Variants in PRPSAP1 observed in about 807,000 individuals in gnomAD.
PRPSAP1 encodes phosphoribosyl pyrophosphate synthetase associated protein 1, also known as phosphoribosyl pyrophosphate synthase-associated protein 1.
PRPSAP1 carries 31 observed loss-of-function variants against 39.4 expected under a neutral mutation model. That is an observed-to-expected ratio of 0.79 (90% CI 0.59 to 1.06). The LOEUF (loss-of-function observed/expected upper bound fraction) is 1.06. Among genes scored for constraint, PRPSAP1 ranks in the 50% least tolerant of loss-of-function variants. The pLI is 0.00. For synonymous variants in PRPSAP1, 212 were observed against 192.6 expected (o/e 1.10, Z -0.83); for missense variants, 430 against 511.6 (o/e 0.84, Z 1.54).
chr17:76,325,341 G>A (rs568433048), intron 7 of PRPSAP1, among the ~76,000 whole-genome samples: 41 of 142,422 alleles, frequency 2.9e-4, no homozygotes, highest in African/African-American at 8.8e-4. Flanking sequence ...CCCGGGAGGC[G>A]GAGCTTGCAG....
In PRPSAP1 at chr17:76,324,321, G is replaced by A. The variant is rs906818987; in HGVS notation, c.781+4396C>T. 3.3e-5 allele frequency among the ~76,000 whole-genome samples: 5 copies of A among 151,880 alleles called. No homozygotes were observed. In the East Asian group the frequency reaches 7.7e-4, roughly 23 times the overall value. ...GACATTTTAAAAAATGCTGTCAGCC[G>A]GGCGCAGTGGCTCACGCCTGTAATC... On this transcript the variant is annotated intron_variant, in intron 7 of 9. Coordinates refer to ENST00000446526, the MANE Select transcript of PRPSAP1 (RefSeq NM_002766.3).
At position 76,339,180 on chromosome 17, in the gene PRPSAP1, G is replaced by A. The variant is rs1306549149; in HGVS notation, c.290+5491C>T. On this transcript the variant is annotated intron_variant, in intron 3 of 9. Transcript: ENST00000446526. ...AGCACTTTGGGAGGCCAAGGCGGGTGGATCACCTGAGGTCAGGAGTTTGAG... is the reference window on the plus strand; with the variant it reads ...AGCACTTTGGGAGGCCAAGGCGGGTAGATCACCTGAGGTCAGGAGTTTGAG... Among the ~76,000 whole-genome samples, 877 of 150,770 alleles carry A rather than the reference G, an allele frequency of 5.8e-3. 16 individuals are homozygous for A. The highest frequency in any genetic ancestry group is 0.021 in the African/African-American group (840 of 40,120).
chr17:76,353,676 G>C lies in PRPSAP1; in HGVS notation c.28C>G (p.Pro10Ala). 1.3e-6 allele frequency: 2 copies of C among 1,516,766 alleles called. No homozygotes were observed. The highest frequency in any genetic ancestry group is 1.8e-6 in the Non-Finnish European group (2 of 1,137,434). The allele number at this position is 1,516,766 out of a possible 1,614,324, so 94.0% of individuals were successfully genotyped here. The change falls in exon 1 of 10, where the codon CCG becomes GCG. Residue 10 changes from proline to alanine, a missense_variant. Around this residue, in one of 2 missense-constraint regions of PRPSAP1, gnomAD observed 152 missense variants for 135.2 expected, o/e 1.12. Transcript: ENST00000446526. MPKKLLLLPPPSASSAFRVP... is the reference protein window; with the variant it reads MPKKLLLLPAPSASSAFRVP... ...CGGAAAGCCGAGGACGCGGAGGGCG[G>C]GGGCAACAGCAGCAGCTTCTTGGGC...
At chr17:76,335,650 C>T (rs1449635032) in intron 3 of PRPSAP1, among the ~76,000 whole-genome samples, 1 of 152,132 alleles carries the variant, frequency 6.6e-6, no homozygotes, top group Non-Finnish European at 1.5e-5. Flanking sequence ...AGCCACCACA[C>T]CCAGGCTCAA....
chr17:76,346,832 G>A (rs1354509150), intron 2 of PRPSAP1, among the ~76,000 whole-genome samples: 1 of 151,838 alleles, frequency 6.6e-6, no homozygotes, highest in East Asian at 1.9e-4. Flanking sequence ...GGAGGCAGAG[G>A]CTGCAGTAAG....
intron 7 of PRPSAP1, among the ~76,000 whole-genome samples, chr17:76,322,162 T>C (rs1171881258): frequency 6.6e-6 from 1 of 152,170 alleles, no homozygotes; most frequent in African/African-American, 2.4e-5. Flanking sequence ...TTTGGGAGGC[T>C]GAGGCAGTTA....
intron 7 of PRPSAP1, among the ~76,000 whole-genome samples, chr17:76,320,345 A>AGGAAGGG (rs2071180879): frequency 1.3e-5 from 1 of 79,564 alleles, no homozygotes; most frequent in Non-Finnish European, 2.3e-5. Flanking sequence ...GGGAGGGAGG[A>AGGAAGGG]AGGAAGGAAG....
At chr17:76,331,175 G>C (rs1365209500) in intron 4 of PRPSAP1, among the ~76,000 whole-genome samples, 1 of 152,088 alleles carries the variant, frequency 6.6e-6, no homozygotes, top group Non-Finnish European at 1.5e-5. Flanking sequence ...TATTCTTATA[G>C]AAAAACAATG....
In PRPSAP1 at chr17:76,348,400, G is replaced by A. The variant is rs965356436; in HGVS notation, c.223+129C>T. On this transcript the variant is annotated intron_variant, in intron 2 of 9. Coordinates refer to ENST00000446526, the MANE Select transcript of PRPSAP1 (RefSeq NM_002766.3). ...AGGCAGGAGAATTGCTTGAACCTGGGAGGCAGAGGTTGCAGTGAGCCAAGA... is the reference window on the plus strand; with the variant it reads ...AGGCAGGAGAATTGCTTGAACCTGGAAGGCAGAGGTTGCAGTGAGCCAAGA... 4.0e-5 allele frequency: 15 copies of A among 376,310 alleles called. No homozygotes were observed. In the South Asian group the frequency reaches 7.7e-4, roughly 19 times the overall value. The allele number at this position is 376,310 out of a possible 1,614,324, so 23.3% of individuals were successfully genotyped here. A position where few individuals can be genotyped will look rare whatever the true frequency, so the allele number is the denominator to read the frequency against.
intron 3 of PRPSAP1, among the ~76,000 whole-genome samples, chr17:76,340,153 A>C (rs2143525416): frequency 6.7e-6 from 1 of 150,374 alleles, no homozygotes; most frequent in South Asian, 2.1e-4. Context: ...CTCAAAAAAA[A>C]AAAAAAAAAA....
chr17:76,321,416 G>A (rs1340178978), intron 7 of PRPSAP1, among the ~76,000 whole-genome samples: 1 of 152,026 alleles, frequency 6.6e-6, no homozygotes, highest in African/African-American at 2.4e-5. Context: ...TTAGCTGGGT[G>A]TGGTGAAGCA....
intron 3 of PRPSAP1, among the ~76,000 whole-genome samples, chr17:76,333,020 T>C (rs2071340552): frequency 6.6e-6 from 1 of 151,002 alleles, no homozygotes; most frequent in Non-Finnish European, 1.5e-5. Flanking sequence ...GCCTCCCGAG[T>C]AGCTGGGACT....
chr17:76,344,964 G>A (rs2071480192), intron 2 of PRPSAP1, among the ~76,000 whole-genome samples: 1 of 151,814 alleles, frequency 6.6e-6, no homozygotes, highest in Non-Finnish European at 1.5e-5. Context: ...AGCTGGGCGC[G>A]GTGGCTCACG....
At chr17:76,314,399 T>C (rs57506614) in intron 7 of PRPSAP1, 11,595 of 164,930 alleles carry the variant, frequency 0.07, 786 homozygotes, top group African/African-American at 0.18. Context: ...GTATTTTTAG[T>C]AGAGATGGGG....
At chr17:76,330,409 C>A in intron 5 of PRPSAP1, 142 bp downstream of exon 5, 1 of 664,594 alleles carries the variant, frequency 1.5e-6, no homozygotes, top group Non-Finnish European at 2.5e-6. Flanking sequence ...ACGACTAAAG[C>A]TGACCCTGTC....
chr17:76,328,859 G>A lies in PRPSAP1; in HGVS notation c.639C>T (p.Ala213=). 2 of 1,607,792 alleles carry A rather than the reference G, an allele frequency of 1.2e-6. No homozygotes were observed. The highest frequency in any genetic ancestry group is 8.5e-7 in the Non-Finnish European group (1 of 1,177,572). ...VAKSPDAAKR[A]QSYAERLRLG... is the part of the protein sequence containing the mutation. ...GACGCAGTCTCTCCGCATAGGACTG[G>A]GCCCTAGAAGGACAAAGGGAAATGG... Residue 213 remains alanine, a synonymous_variant, in exon 7 of 10, where the codon GCC becomes GCT. Coordinates refer to ENST00000446526, the MANE Select transcript of PRPSAP1 (RefSeq NM_002766.3).
chr17:76,315,373 G>C (rs994472922), intron 7 of PRPSAP1, among the ~76,000 whole-genome samples: 1 of 152,172 alleles, frequency 6.6e-6, no homozygotes, highest in African/African-American at 2.4e-5. Flanking sequence ...GGTAACAAGA[G>C]TTTAGTGACT....
rs561753788 is a variant in PRPSAP1 at position 76,353,746 on chromosome 17, T to G, written c.-43A>C. On this transcript the variant is annotated 5_prime_UTR_variant, in exon 1 of 10. Coordinates refer to ENST00000446526, the MANE Select transcript of PRPSAP1 (RefSeq NM_002766.3). ...GGTTACGACCGGCCCCGCGCGGGGC[T>G]GCACTCTGAGTGCTTCCGACTGCGA... 2.2e-3 allele frequency: 3,055 copies of G among 1,416,532 alleles called. 2 individuals carry two copies. Among genetic ancestry groups the G allele is most frequent in the Non-Finnish European group, 2.6e-3 (2,879 of 1,095,068 alleles). The allele number at this position is 1,416,532 out of a possible 1,614,324, so 87.7% of individuals were successfully genotyped here.
At chr17:76,324,196 AT>A (rs1252125048) in intron 7 of PRPSAP1, among the ~76,000 whole-genome samples, 1 of 151,752 alleles carries the variant, frequency 6.6e-6, no homozygotes, top group African/African-American at 2.4e-5. Context: ...TATCAAACAG[AT>A]CATTTTGTAG....
Sources: gnomAD v4.1 joint callset for allele counts (sites outside exome capture counted in the v4.1 genomes callset) on GRCh38, gnomAD v4.1.1 for gene constraint, gnomAD v4.1.1 regional missense constraint, MANE v1.5 for transcripts, NCBI Gene and HGNC (gene_info 2026-07-23, HGNC 2026-07-21) for gene names.